Variants in SLC44A1 observed in about 807,000 individuals in gnomAD.
SLC44A1 encodes solute carrier family 44 member 1.
In SLC44A1, 26 loss-of-function variants were observed where a neutral mutation model predicts 79.3. The ratio of observed to expected loss-of-function variants is 0.33; its 90% CI spans 0.24 to 0.46. The LOEUF (loss-of-function observed/expected upper bound fraction) is 0.46. Ranked by LOEUF, SLC44A1 falls within the 20% of genes least tolerant of loss-of-function variation. The pLI is 1.00. For synonymous variants in SLC44A1, 263 were observed against 286.2 expected, an observed-to-expected ratio of 0.92 and a Z score of 0.82; for missense variants, 688 against 798.1, an observed-to-expected ratio of 0.86 and a Z score of 1.66.
intron 15 of SLC44A1, among the ~76,000 whole-genome samples, chr9:105,434,814 T>G (rs1466638431): frequency 6.6e-6 from 1 of 152,180 alleles, no homozygotes; most frequent in Non-Finnish European, 1.5e-5. Flanking sequence ...GTCTTAAGGG[T>G]TGCATTTAGC....
At chr9:105,344,024 T>C (rs1447081677) in intron 4 of SLC44A1, among the ~76,000 whole-genome samples, 1 of 152,214 alleles carries the variant, frequency 6.6e-6, no homozygotes, top group Non-Finnish European at 1.5e-5. Context: ...TGGAAAATTA[T>C]CTTCCATTCT....
At chr9:105,433,907 AG>A (rs1829431440) in intron 15 of SLC44A1, among the ~76,000 whole-genome samples, 1 of 152,228 alleles carries the variant, frequency 6.6e-6, no homozygotes, top group Non-Finnish European at 1.5e-5. Flanking sequence ...CCTTGGGGAA[AG>A]TCTCTACCAT....
At chr9:105,315,346 G>GT (rs139999103) in intron 3 of SLC44A1, among the ~76,000 whole-genome samples, 7,286 of 150,804 alleles carry the variant, frequency 0.048, 585 homozygotes, top group African/African-American at 0.17. Context: ...TGATAGTAGG[G>GT]TTTTTTTAAG....
chr9:105,313,144 A>T (rs571739787), intron 3 of SLC44A1, among the ~76,000 whole-genome samples: 2 of 152,186 alleles, frequency 1.3e-5, no homozygotes, highest in African/African-American at 2.4e-5. Flanking sequence ...AACACTTAAG[A>T]TGTGTCTCAT....
intron 15 of SLC44A1, among the ~76,000 whole-genome samples, chr9:105,388,578 A>G (rs1828687464): frequency 6.6e-6 from 1 of 152,214 alleles, no homozygotes; most frequent in African/African-American, 2.4e-5. Flanking sequence ...ATTGAACTAA[A>G]CATGAGAACT....
intron 1 of SLC44A1, among the ~76,000 whole-genome samples, chr9:105,293,269 G>A (rs1428406890): frequency 3.9e-5 from 6 of 152,210 alleles, no homozygotes; most frequent in Non-Finnish European, 5.9e-5. Context: ...AAGATTGATA[G>A]CATTAGGTAG....
intron 1 of SLC44A1, among the ~76,000 whole-genome samples, chr9:105,293,901 C>T (rs1406455623): frequency 1.3e-5 from 2 of 152,092 alleles, no homozygotes; most frequent in Non-Finnish European, 2.9e-5. Flanking sequence ...GAGTCTAAGA[C>T]ATAGTAGTAC....
At chr9:105,415,488 G>A (rs1401663495) in intron 15 of SLC44A1, among the ~76,000 whole-genome samples, 1 of 152,224 alleles carries the variant, frequency 6.6e-6, no homozygotes, top group Admixed American at 6.5e-5. Context: ...CGGAGGGACG[G>A]AACCTTAGAG....
chr9:105,287,651 A>G (rs931774510), intron 1 of SLC44A1, among the ~76,000 whole-genome samples: 4 of 152,014 alleles, frequency 2.6e-5, no homozygotes, highest in African/African-American at 9.7e-5. Flanking sequence ...GCTATAGAGT[A>G]GTTGTCCTTA....
chr9:105,280,014 A>G (rs977647894), intron 1 of SLC44A1, among the ~76,000 whole-genome samples: 2 of 152,240 alleles, frequency 1.3e-5, no homozygotes, highest in African/African-American at 2.4e-5. Flanking sequence ...AGAAAACTAT[A>G]AAACTTTTCT....
intron 15 of SLC44A1, among the ~76,000 whole-genome samples, chr9:105,388,039 A>T (rs1276575794): frequency 6.6e-6 from 1 of 152,202 alleles, no homozygotes; most frequent in Non-Finnish European, 1.5e-5. Flanking sequence ...GATTAATGGC[A>T]AAAACCCTCT....
At chr9:105,302,629 G>T (rs565921874) in intron 2 of SLC44A1, among the ~76,000 whole-genome samples, 1 of 151,482 alleles carries the variant, frequency 6.6e-6, no homozygotes, top group Non-Finnish European at 1.5e-5. Context: ...TGGAATTACC[G>T]GTGTGAACCA....
At chr9:105,296,327 G>A (rs1291820571) in intron 1 of SLC44A1, among the ~76,000 whole-genome samples, 1 of 152,128 alleles carries the variant, frequency 6.6e-6, no homozygotes, top group Non-Finnish European at 1.5e-5. Flanking sequence ...CATTCCCAGT[G>A]AAAGAATTTC....
chr9:105,327,385 C>A (rs1040297592), intron 3 of SLC44A1, among the ~76,000 whole-genome samples: 3 of 152,152 alleles, frequency 2.0e-5, no homozygotes, highest in African/African-American at 7.2e-5. Context: ...CAGGTTCAAG[C>A]AATTCTCCTG....
intron 15 of SLC44A1, among the ~76,000 whole-genome samples, chr9:105,427,000 A>G (rs1829331112): frequency 6.6e-6 from 1 of 150,624 alleles, no homozygotes; most frequent in Admixed American, 6.6e-5. Flanking sequence ...CAGTGGTGCG[A>G]TCATGGCTCC....
intron 1 of SLC44A1, among the ~76,000 whole-genome samples, chr9:105,280,580 A>G (rs71494513): frequency 0.012 from 1,886 of 152,366 alleles, 13 homozygotes; most frequent in Non-Finnish European, 0.019. Flanking sequence ...AAATTCCATG[A>G]AACCATAAAC....
At position 105,316,559 on chromosome 9, in the gene SLC44A1, C is replaced by T. The variant is rs144958410; in HGVS notation, c.269+6693C>T. The stretch of plus-strand genomic sequence containing the variant: ...TCTTTTTTCCTAAGTTTTCTATAAT[C>T]GATATATACATTACTTGGGTAATGG... On this transcript the variant is annotated intron_variant, in intron 3 of 15. Coordinates refer to ENST00000374720, the MANE Select transcript of SLC44A1 (RefSeq NM_080546.5). 7.2e-5 allele frequency among the ~76,000 whole-genome samples: 11 copies of T among 152,034 alleles called. No homozygotes were observed. The East Asian group carries it at 1.7e-3, about 24-fold the overall frequency.
chr9:105,386,425 G>GT, intron 15 of SLC44A1: 1 of 983,684 alleles, frequency 1.0e-6, no homozygotes, highest in East Asian at 1.1e-4. Flanking sequence ...GTTCAAAAGT[G>GT]TGAGGTAAGG....
At chr9:105,338,087 G>C (rs1826978384) in intron 4 of SLC44A1, among the ~76,000 whole-genome samples, 1 of 152,162 alleles carries the variant, frequency 6.6e-6, no homozygotes, top group Non-Finnish European at 1.5e-5. Flanking sequence ...AAGTCAATAA[G>C]GTAGCCATAA....
Sources: gnomAD v4.1 joint callset for allele counts (sites outside exome capture counted in the v4.1 genomes callset) on GRCh38, gnomAD v4.1.1 for gene constraint, MANE v1.5 for transcripts, NCBI Gene and HGNC (gene_info 2026-07-23, HGNC 2026-07-21) for gene names.